The following USP4 variants were observed in gnomAD, a reference collection of about 807,000 sequenced individuals.
The protein encoded by USP4 is ubiquitin specific peptidase 4.
Under a neutral mutation model 118.2 loss-of-function variants are expected in USP4, and 72 were observed. The ratio of observed to expected loss-of-function variants is 0.61; its 90% CI spans 0.50 to 0.74. USP4 has a LOEUF of 0.74. USP4 is among the 30% of genes least tolerant of loss of function. The probability of loss-of-function intolerance (pLI) is 0.00; values close to 1 mark genes in which losing one functional copy is unlikely to be tolerated. For missense variants in USP4, 1,037 were observed against 1,185.7 expected, an observed-to-expected ratio of 0.87 and a Z score of 1.84; for synonymous variants, 415 against 440.4, an observed-to-expected ratio of 0.94 and a Z score of 0.72.
In USP4 at chr3:49,302,411, C is replaced by G; in HGVS notation, c.1260G>C (p.Leu420=). The G allele has an allele frequency of 6.2e-7, 1 of 1,613,992 alleles. No homozygotes were observed. Among genetic ancestry groups the G allele is most frequent in the Non-Finnish European group, 8.5e-7 (1 of 1,179,984 alleles). Reference sequence around the variant, plus strand: ...CATCTGGCCGCCCATTGGCATCCTTCAGCTCCAAGTAGGGCTTTTTCTTTA... The same window carrying G: ...CATCTGGCCGCCCATTGGCATCCTTGAGCTCCAAGTAGGGCTTTTTCTTTA... The part of the protein sequence containing the change: ...NRVKKKPYLE[L]KDANGRPDAV... The change falls in exon 10 of 22, where the codon CTG becomes CTC. Residue 420 remains leucine (L), a synonymous_variant. Transcript: ENST00000265560.
intron 12 of USP4, 26 bp from the exon 13 acceptor site, chr3:49,297,990 C>T: frequency 6.7e-7 from 1 of 1,499,646 alleles, no homozygotes; most frequent in Middle Eastern, 1.7e-4. Context: ...AACAGAAAGA[C>T]CACAGAATGG....
At chr3:49,323,996 TTTTTTG>T (rs1039438624) in intron 6 of USP4, among the ~76,000 whole-genome samples, 23 of 152,122 alleles carry the variant, frequency 1.5e-4, no homozygotes, top group African/African-American at 5.1e-4. Context: ...CTATCACTTT[TTTTTTG>T]TTTTTGTTTT....
intron 6 of USP4, chr3:49,317,402 C>T (rs1007513892): frequency 9.9e-6 from 10 of 1,009,394 alleles, no homozygotes; most frequent in Non-Finnish European, 1.5e-5. Flanking sequence ...TGGCATAGCT[C>T]CTCTATGCAT....
At chr3:49,334,407 C>T (rs947890406) in intron 2 of USP4, among the ~76,000 whole-genome samples, 6 of 152,148 alleles carry the variant, frequency 3.9e-5, no homozygotes, top group African/African-American at 1.2e-4. Context: ...ATTGTTTATA[C>T]CATGTAGACC....
At chr3:49,291,875 G>A (rs1255685534) in intron 15 of USP4, among the ~76,000 whole-genome samples, 2 of 151,414 alleles carry the variant, frequency 1.3e-5, no homozygotes, top group African/African-American at 4.8e-5. Flanking sequence ...GTGCAGTGGC[G>A]CGATCTTGGC....
At position 49,302,459 on chromosome 3, in the gene USP4, T is replaced by C. The variant is rs369423635; in HGVS notation, c.1212A>G (p.Gly404=). Residue 404 remains glycine, a synonymous_variant, in exon 10 of 22, where the codon GGA becomes GGG. Transcript: ENST00000265560. ...TTACCCGGTTCAGATCTTCATGCAATCCATCTAGAAGAAAGGCCAGCAGCT... is the reference window on the plus strand; with the variant it reads ...TTACCCGGTTCAGATCTTCATGCAACCCATCTAGAAGAAAGGCCAGCAGCT... The part of the protein sequence containing the change: ...SQELLAFLLD[G]LHEDLNRVKK... 3 of 1,614,048 alleles carry C rather than the reference T, an allele frequency of 1.9e-6. No homozygotes were observed. The highest frequency in any genetic ancestry group is 4.5e-5 in the East Asian group (2 of 44,890).
rs1390619433 is a variant in USP4, at chr3:49,302,366, A to C, written c.1287+18T>G. Reference sequence around the variant, plus strand: ...GCTTCTTTGGCATATTATCATTCAGACATCATTAATGGCATACCGCATCTG... The same window carrying C: ...GCTTCTTTGGCATATTATCATTCAGCCATCATTAATGGCATACCGCATCTG... On this transcript the variant is annotated intron_variant, in intron 10 of 21. Transcript: ENST00000265560. 1.9e-6 allele frequency: 3 copies of C among 1,610,878 alleles called. No homozygotes were observed. In the South Asian group the frequency reaches 3.3e-5, roughly 18 times the overall value.
At chr3:49,321,768 C>T (rs1000473821) in intron 6 of USP4, among the ~76,000 whole-genome samples, 8 of 151,754 alleles carry the variant, frequency 5.3e-5, no homozygotes, top group African/African-American at 1.9e-4. Flanking sequence ...CCGAGGCAGG[C>T]GGATCACTTG....
chr3:49,302,570 G>T, intron 9 of USP4, 28 bp from the exon 10 acceptor site: 1 of 1,603,636 alleles, frequency 6.2e-7, no homozygotes, highest in Middle Eastern at 1.7e-4. Flanking sequence ...GTATCAGAAG[G>T]CATAATACGT....
At chr3:49,291,818 T>G (rs1302505941) in intron 15 of USP4, among the ~76,000 whole-genome samples, 1 of 151,244 alleles carries the variant, frequency 6.6e-6, no homozygotes, top group Non-Finnish European at 1.5e-5. Context: ...TGGTCCTTTT[T>G]TTTTTCTTTT....
At chr3:49,295,544 A>T (rs1222240395) in intron 13 of USP4, among the ~76,000 whole-genome samples, 1 of 152,114 alleles carries the variant, frequency 6.6e-6, no homozygotes, top group Non-Finnish European at 1.5e-5. Flanking sequence ...AATGTGTCTT[A>T]CTTAGTGAAT....
In USP4 at chr3:49,305,806, C is replaced by A. The variant is rs2047308487; in HGVS notation, c.1037G>T (p.Gly346Val). The change falls in exon 9 of 22, where the codon GGG becomes GTG. Residue 346 changes from glycine to valine, a missense_variant. Gly to Val is a moderately radical substitution (Grantham distance 109). This residue lies in a region of USP4 where 487 missense variants were observed against 534.1 expected (regional missense o/e 0.91). Transcript: ENST00000265560. The stretch of plus-strand genomic sequence containing the variant: ...GGCTTCTGCAATTTCCCCTTTCATC[C>A]CCAGAGGGTTGTCTCTGTTGATTTC... ...EAEINRDNPL[G>V]MKGEIAEAYA... The A allele has an allele frequency of 6.2e-7, 1 of 1,614,000 alleles. No homozygotes were observed. The highest frequency in any genetic ancestry group is 1.1e-5 in the South Asian group (1 of 91,078).
chr3:49,322,820 G>A (rs927397049), intron 6 of USP4, among the ~76,000 whole-genome samples: 15 of 150,230 alleles, frequency 1.0e-4, no homozygotes, highest in Non-Finnish European at 3.0e-5. Flanking sequence ...TCGCACCATT[G>A]CACTCCAACC....
chr3:49,278,209 A>G lies in USP4; in HGVS notation c.*84T>C. 1 of 1,464,878 alleles carries G rather than the reference A, an allele frequency of 6.8e-7. No individual in the cohort carries two copies. The highest frequency in any genetic ancestry group is 9.1e-7 in the Non-Finnish European group (1 of 1,095,880). The allele number at this position is 1,464,878 out of a possible 1,614,324, so 90.7% of individuals were successfully genotyped here. On this transcript the variant is annotated 3_prime_UTR_variant, in exon 22 of 22. Coordinates refer to ENST00000265560, the MANE Select transcript of USP4 (RefSeq NM_003363.4). ...TTTCCTTGTCTGGTTTTTAGACAGA[A>G]CACTAGCAGTCTGCAGAGTGTCAAA... is the stretch of plus-strand genomic sequence containing the variant.
rs781779116 is a variant in USP4 at position 49,300,695 on chromosome 3, C to T, written c.1288-4G>A. The T allele has an allele frequency of 5.0e-6, 8 of 1,613,372 alleles. No individual in the cohort carries two copies. The African/African-American group carries it at 5.3e-5, about 11-fold the overall frequency. On this transcript the variant is annotated splice_polypyrimidine_tract_variant and splice_region_variant and intron_variant, in intron 10 of 21. Transcript: ENST00000265560. ...CCCAGGCTTCCTTTGCCACCACCTGCGTCAAAGGGATAAACAGGACATTCT... is the reference window on the plus strand; with the variant it reads ...CCCAGGCTTCCTTTGCCACCACCTGTGTCAAAGGGATAAACAGGACATTCT...
chr3:49,329,263 T>C (rs1402266859), intron 2 of USP4, among the ~76,000 whole-genome samples: 4 of 152,190 alleles, frequency 2.6e-5, no homozygotes, highest in Non-Finnish European at 5.9e-5. Flanking sequence ...GTTCTCTTGC[T>C]ATTTCCACTT....
chr3:49,323,384 T>C (rs1410143058), intron 6 of USP4, among the ~76,000 whole-genome samples: 1 of 150,266 alleles, frequency 6.7e-6, no homozygotes, highest in African/African-American at 2.5e-5. Context: ...ACTCAAGCAA[T>C]GCTCCCACCT....
chr3:49,311,824 C>CCA (rs1417521928), intron 6 of USP4, 170 bp from the exon 7 acceptor site: 1 of 1,322,724 alleles, frequency 7.6e-7, no homozygotes, highest in Non-Finnish European at 9.7e-7. Flanking sequence ...AAGTGAGAGT[C>CCA]CACAAATTAA....
Position 49,327,673 on chromosome 3 carries a change from T to TA in USP4, c.360+12_360+13insT. 6.2e-7 allele frequency: 1 copy of TA among 1,613,902 alleles called. No individual in the cohort carries two copies. The highest frequency in any genetic ancestry group is 1.7e-4 in the Middle Eastern group (1 of 6,060). On this transcript the variant is annotated intron_variant, in intron 3 of 21. Transcript: ENST00000265560. Reference sequence around the variant, plus strand: ...GACAGTGACCAGCAGGTGGGACAATTCACATAACTCACTTTTCTGACGATG... The same window carrying TA: ...GACAGTGACCAGCAGGTGGGACAATTACACATAACTCACTTTTCTGACGATG...
Sources: gnomAD v4.1 joint callset for allele counts (sites outside exome capture counted in the v4.1 genomes callset) on GRCh38, gnomAD v4.1.1 for gene constraint, gnomAD v4.1.1 regional missense constraint, MANE v1.5 for transcripts, NCBI Gene and HGNC (gene_info 2026-07-23, HGNC 2026-07-21) for gene names.